Variants in KIF26B observed in about 807,000 individuals in gnomAD.
KIF26B encodes kinesin-like protein KIF26B.
In KIF26B, 63 loss-of-function variants were observed where a neutral mutation model predicts 151.2. The observed-to-expected ratio is 0.42, with a 90% CI of 0.34 to 0.51. The LOEUF (loss-of-function observed/expected upper bound fraction) is 0.51, where lower values mean the gene tolerates loss of function less well. Ranked by LOEUF, KIF26B falls within the 20% of genes least tolerant of loss-of-function variation. The pLI is 0.07. For missense variants in KIF26B, 2,813 were observed against 2,913.6 expected, an observed-to-expected ratio of 0.97 and a Z score of 0.79; for synonymous variants, 1,357 against 1,262.1, an observed-to-expected ratio of 1.08 and a Z score of -1.59.
intron 2 of KIF26B, among the ~76,000 whole-genome samples, chr1:245,211,710 T>C (rs545748939): frequency 2.0e-5 from 3 of 152,304 alleles, no homozygotes; most frequent in African/African-American, 7.2e-5. Context: ...ATGATAACTT[T>C]TTATAAAGAA....
intron 2 of KIF26B, among the ~76,000 whole-genome samples, chr1:245,224,022 C>T (rs562533245): frequency 1.2e-4 from 18 of 152,242 alleles, no homozygotes; most frequent in African/African-American, 3.1e-4. Context: ...CAGTGGCTCA[C>T]GTCTGTAATC....
chr1:245,571,937 C>T (rs1419266801), intron 5 of KIF26B, among the ~76,000 whole-genome samples: 1 of 152,198 alleles, frequency 6.6e-6, no homozygotes, highest in Non-Finnish European at 1.5e-5. Context: ...GTGACAGACA[C>T]GCATGGCTGG....
intron 4 of KIF26B, among the ~76,000 whole-genome samples, chr1:245,521,112 C>T (rs568769959): frequency 3.9e-5 from 6 of 152,026 alleles, no homozygotes; most frequent in East Asian, 3.9e-4. Flanking sequence ...CCGAGGCGGG[C>T]GGATCACGAG....
chr1:245,662,003 A>ATAT (rs1378179371), intron 10 of KIF26B, among the ~76,000 whole-genome samples: 6 of 119,520 alleles, frequency 5.0e-5, no homozygotes, highest in Non-Finnish European at 8.8e-5. Flanking sequence ...ATGCACACCC[A>ATAT]ATATATATAC....
In KIF26B at chr1:245,659,348, C is replaced by G. The variant is rs181041159; in HGVS notation, c.2258+13068C>G. On this transcript the variant is annotated intron_variant, in intron 10 of 14. Coordinates refer to ENST00000407071, the MANE Select transcript of KIF26B (RefSeq NM_018012.4). ...TGCATCTTTAGTGACAGATATGAGT[C>G]TGACACCCACCTTCAACTTTGTGGT... Among the ~76,000 whole-genome samples, 204 of 152,338 alleles carry G rather than the reference C, an allele frequency of 1.3e-3. 1 individual carries two copies. Among genetic ancestry groups the G allele is most frequent in the Middle Eastern group, 0.01 (3 of 294 alleles).
chr1:245,332,450 C>T (rs1428316387), intron 2 of KIF26B, among the ~76,000 whole-genome samples: 1 of 152,314 alleles, frequency 6.6e-6, no homozygotes, highest in South Asian at 2.1e-4. Flanking sequence ...TTTCTTTAGC[C>T]TCTGAATGCC....
At chr1:245,238,920 A>G (rs553028518) in intron 2 of KIF26B, among the ~76,000 whole-genome samples, 1 of 152,286 alleles carries the variant, frequency 6.6e-6, no homozygotes, top group African/African-American at 2.4e-5. Flanking sequence ...ATTGCTGCAA[A>G]AAATTCTAAA....
At chr1:245,327,894 A>G (rs984049437) in intron 2 of KIF26B, among the ~76,000 whole-genome samples, 9 of 152,224 alleles carry the variant, frequency 5.9e-5, no homozygotes, top group Admixed American at 5.9e-4. Context: ...ATCAGACCTC[A>G]GGAACTTGTG....
intron 2 of KIF26B, among the ~76,000 whole-genome samples, chr1:245,293,255 T>C (rs981711392): frequency 6.6e-6 from 1 of 152,040 alleles, no homozygotes; most frequent in African/African-American, 2.4e-5. Context: ...GTTTTGGTGA[T>C]GGCTGAGTCT....
chr1:245,679,515 C>T (rs2044404046), intron 10 of KIF26B, among the ~76,000 whole-genome samples: 1 of 119,148 alleles, frequency 8.4e-6, no homozygotes, highest in South Asian at 2.9e-4. Context: ...GTCACCCAGG[C>T]TGGAGTGCAG....
chr1:245,687,403 A>T lies in KIF26B; in HGVS notation c.4420A>T (p.Thr1474Ser). Residue 1474 changes from threonine to serine, a missense_variant, in exon 12 of 15, where the codon ACC (threonine) becomes TCC (serine). By Grantham distance (58) the Thr-to-Ser change is moderately conservative. Transcript: ENST00000407071. The surrounding 1 kb of genome is among the most constrained non-coding windows in gnomAD (Gnocchi z 4.9). ...ETATGPSNAE[T>S]RAEQEQDGKP... is the part of the protein sequence containing the mutation. ...TGCCACGGGCCCCTCGAATGCTGAG[A>T]CCAGAGCAGAGCAGGAGCAGGACGG... The T allele has an allele frequency of 6.3e-7, 1 of 1,589,032 alleles. No individual in the cohort carries two copies. The highest frequency in any genetic ancestry group is 8.6e-7 in the Non-Finnish European group (1 of 1,168,046).
rs146979506 is a variant in KIF26B at position 245,605,351 on chromosome 1, A to G, written c.1558-2300A>G. 2.5e-3 allele frequency among the ~76,000 whole-genome samples: 382 copies of G among 152,266 alleles called. 2 individuals carry two copies. Among genetic ancestry groups the G allele is most frequent in the African/African-American group, 7.8e-3 (323 of 41,590 alleles). ...CCCTGGAGCCCCCAAGCCTGAAAGG[A>G]GGGAGTGTGCGGAGTGGGCCTGTGC... On this transcript the variant is annotated intron_variant, in intron 6 of 14. Transcript: ENST00000407071.
intron 2 of KIF26B, among the ~76,000 whole-genome samples, chr1:245,189,426 A>G (rs1669056196): frequency 6.6e-6 from 1 of 152,220 alleles, no homozygotes; most frequent in Admixed American, 6.5e-5. Context: ...CAAAACAGCA[A>G]ACTGTCATTT....
chr1:245,226,096 T>C (rs1669867734), intron 2 of KIF26B: 1 of 152,258 alleles, frequency 6.6e-6, no homozygotes, highest in African/African-American at 2.4e-5. Context: ...GTCAGCAGCG[T>C]TCCCCACGAG....
At chr1:245,259,234 T>C (rs372031465) in intron 2 of KIF26B, among the ~76,000 whole-genome samples, 1 of 152,348 alleles carries the variant, frequency 6.6e-6, no homozygotes, top group Non-Finnish European at 1.5e-5. Flanking sequence ...TTGTTGTACA[T>C]TTGTTGGAGC....
In KIF26B at chr1:245,588,944, C is replaced by G. The variant is rs2043257031; in HGVS notation, c.1351-13633C>G. On this transcript the variant is annotated intron_variant, in intron 5 of 14. Transcript: ENST00000407071. Reference sequence around the variant, plus strand: ...GAGAATGAAAGTATCTAAGATGTACCAAGTCCCAGGGATAGTGGCATAATT... The same window carrying G: ...GAGAATGAAAGTATCTAAGATGTACGAAGTCCCAGGGATAGTGGCATAATT... Among the ~76,000 whole-genome samples the G allele has an allele frequency of 2.0e-5, 3 of 152,272 alleles. No homozygotes were observed. In the South Asian group the frequency reaches 6.2e-4, roughly 32 times the overall value.
At chr1:245,188,833 A>G (rs1669046257) in intron 2 of KIF26B, among the ~76,000 whole-genome samples, 1 of 152,230 alleles carries the variant, frequency 6.6e-6, no homozygotes, top group Non-Finnish European at 1.5e-5. Flanking sequence ...TGGATGGATG[A>G]GCAAAATGTG....
In KIF26B at chr1:245,562,592, C is replaced by A. The variant is rs528498033; in HGVS notation, c.1350+21642C>A. Among the ~76,000 whole-genome samples the A allele has an allele frequency of 3.3e-5, 5 of 150,486 alleles. No homozygotes were observed. The South Asian group carries it at 1.1e-3, about 32-fold the overall frequency. On this transcript the variant is annotated intron_variant, in intron 5 of 14. Coordinates refer to ENST00000407071, the MANE Select transcript of KIF26B (RefSeq NM_018012.4). The stretch of plus-strand genomic sequence containing the variant: ...GTCCGCACGTGGCCAAGCCCCGCCC[C>A]CCCCTTCCCCCATGCTCTTCTCTCT...
intron 3 of KIF26B, among the ~76,000 whole-genome samples, chr1:245,394,934 A>C (rs1673794478): frequency 6.6e-6 from 1 of 152,076 alleles, no homozygotes; most frequent in Non-Finnish European, 1.5e-5. Context: ...TCAGGTGATC[A>C]CACCCTCCTT....
Sources: gnomAD v4.1 joint callset for allele counts (sites outside exome capture counted in the v4.1 genomes callset) on GRCh38, gnomAD v4.1.1 for gene constraint, Gnocchi (gnomAD v3.1) non-coding constraint, MANE v1.5 for transcripts, NCBI Gene and HGNC (gene_info 2026-07-23, HGNC 2026-07-21) for gene names.